Variants in ROBO1 observed in about 807,000 individuals in gnomAD.
The protein encoded by ROBO1 is roundabout homolog 1.
In ROBO1, 149 loss-of-function variants were observed where a neutral mutation model predicts 195.9. The observed-to-expected ratio is 0.76, with a 90% CI of 0.67 to 0.87. ROBO1 has a LOEUF of 0.87. Among genes scored for constraint, ROBO1 ranks in the 40% least tolerant of loss-of-function variants. The pLI is 0.00. For synonymous variants in ROBO1, 816 were observed against 733.2 expected (o/e 1.11, Z -1.82); for missense variants, 1,933 against 2,068.3 (o/e 0.93, Z 1.27).
chr3:79,642,687 A>G (rs1258995790), intron 1 of ROBO1, among the ~76,000 whole-genome samples: 5 of 152,194 alleles, frequency 3.3e-5, no homozygotes, highest in Admixed American at 6.5e-5. Context: ...TATAAAGGAG[A>G]GATAAAGTAT....
chr3:79,531,479 C>T (rs972795399), intron 2 of ROBO1, among the ~76,000 whole-genome samples: 7 of 151,992 alleles, frequency 4.6e-5, no homozygotes, highest in African/African-American at 9.7e-5. Context: ...AACAATTAAC[C>T]AGGCTTGGTG....
At chr3:78,675,838 C>A (rs528586813) in intron 10 of ROBO1, among the ~76,000 whole-genome samples, 2 of 152,246 alleles carry the variant, frequency 1.3e-5, no homozygotes, top group Admixed American at 1.3e-4. Context: ...TCCCAGCACG[C>A]AGCTGGAGAT....
chr3:78,779,294 G>T (rs535106142), intron 4 of ROBO1, among the ~76,000 whole-genome samples: 2 of 152,236 alleles, frequency 1.3e-5, no homozygotes, highest in South Asian at 4.1e-4. Flanking sequence ...CACAGCAAAA[G>T]AAACTATCAT....
chr3:79,428,423 G>A (rs570904411), intron 2 of ROBO1, among the ~76,000 whole-genome samples: 1 of 152,222 alleles, frequency 6.6e-6, no homozygotes, highest in East Asian at 1.9e-4. Flanking sequence ...TGTGACATGG[G>A]AGGTGCTGAA....
At chr3:79,070,880 T>C (rs545980888) in intron 3 of ROBO1, among the ~76,000 whole-genome samples, 2 of 151,960 alleles carry the variant, frequency 1.3e-5, no homozygotes, top group Admixed American at 1.3e-4. Flanking sequence ...TTTGACTCTA[T>C]AGCTAATTCT....
chr3:78,862,650 A>G (rs541536125), intron 4 of ROBO1, among the ~76,000 whole-genome samples: 2 of 152,356 alleles, frequency 1.3e-5, no homozygotes, highest in East Asian at 1.9e-4. Flanking sequence ...AGGATTGATT[A>G]ATCCATGAAA....
chr3:79,256,232 C>G (rs2082831069), intron 2 of ROBO1, among the ~76,000 whole-genome samples: 1 of 152,148 alleles, frequency 6.6e-6, no homozygotes, highest in South Asian at 2.1e-4. Context: ...CCACATAATA[C>G]TTTCTAAGTC....
intron 2 of ROBO1, among the ~76,000 whole-genome samples, chr3:79,266,858 T>C (rs2030007265): frequency 6.6e-6 from 1 of 151,614 alleles, no homozygotes; most frequent in South Asian, 2.1e-4. Context: ...AAAATCCTGT[T>C]CAGACAATGA....
chr3:78,910,507 T>C (rs2038179418), intron 4 of ROBO1, among the ~76,000 whole-genome samples: 1 of 151,892 alleles, frequency 6.6e-6, no homozygotes, highest in African/African-American at 2.4e-5. Context: ...TCAATGATAA[T>C]ATGAAATGTC....
At chr3:78,711,305 TTC>T (rs2081684417) in intron 8 of ROBO1, among the ~76,000 whole-genome samples, 1 of 150,574 alleles carries the variant, frequency 6.6e-6, no homozygotes, top group South Asian at 2.1e-4. Flanking sequence ...TTCTCTTTCT[TTC>T]TTTCTTTCTC....
At chr3:79,678,110 T>C (rs1328577997) in intron 1 of ROBO1, among the ~76,000 whole-genome samples, 1 of 152,064 alleles carries the variant, frequency 6.6e-6, no homozygotes, top group African/African-American at 2.4e-5. Flanking sequence ...GAGAATATTC[T>C]AGAGACAGAT....
intron 2 of ROBO1, among the ~76,000 whole-genome samples, chr3:79,245,091 CTT>C (rs2082599571): frequency 6.6e-6 from 1 of 151,992 alleles, no homozygotes; most frequent in Non-Finnish European, 1.5e-5. Flanking sequence ...CTAGTCATAA[CTT>C]ATATATGTTT....
intron 4 of ROBO1, among the ~76,000 whole-genome samples, chr3:78,810,671 G>GAAA (rs148899378): frequency 6.9e-6 from 1 of 144,086 alleles, no homozygotes; most frequent in East Asian, 2.0e-4. Flanking sequence ...TTTACAATGG[G>GAAA]AAAAAAAAAA....
intron 2 of ROBO1, among the ~76,000 whole-genome samples, chr3:79,381,036 G>T (rs1040488906): frequency 7.2e-5 from 11 of 152,140 alleles, no homozygotes; most frequent in African/African-American, 2.2e-4. Flanking sequence ...GACCAGCAGA[G>T]AGAGCAAGAT....
chr3:79,740,794 G>C (rs1193719724), intron 1 of ROBO1, among the ~76,000 whole-genome samples: 2 of 152,122 alleles, frequency 1.3e-5, no homozygotes, highest in Non-Finnish European at 2.9e-5. Context: ...CACTTGTTTT[G>C]TTCTGCACAA....
chr3:79,740,290 A>G (rs946406331), intron 1 of ROBO1, among the ~76,000 whole-genome samples: 2 of 149,166 alleles, frequency 1.3e-5, no homozygotes, highest in Admixed American at 6.7e-5. Context: ...CAAATTTTAC[A>G]TAATGTAAAT....
intron 2 of ROBO1, among the ~76,000 whole-genome samples, chr3:79,520,958 AT>A (rs1424146003): frequency 3.9e-5 from 6 of 152,224 alleles, no homozygotes; most frequent in Non-Finnish European, 8.8e-5. Context: ...GACAGACAAT[AT>A]TTAGTGAAAT....
intron 4 of ROBO1, among the ~76,000 whole-genome samples, chr3:78,778,092 C>T (rs748583202): frequency 6.6e-6 from 1 of 152,082 alleles, no homozygotes; most frequent in Non-Finnish European, 1.5e-5. Flanking sequence ...TTGAGATAAT[C>T]ATTTGGTTTT....
chr3:78,625,819 T>C (rs563508886), intron 26 of ROBO1, among the ~76,000 whole-genome samples: 1 of 151,936 alleles, frequency 6.6e-6, no homozygotes, highest in Non-Finnish European at 1.5e-5. Context: ...CAGAATGCAG[T>C]GGGCTGAGGT....
Sources: gnomAD v4.1 joint callset for allele counts (sites outside exome capture counted in the v4.1 genomes callset) on GRCh38, gnomAD v4.1.1 for gene constraint, MANE v1.5 for transcripts, NCBI Gene and HGNC (gene_info 2026-07-23, HGNC 2026-07-21) for gene names.